ATP2B1: variants seen among roughly 807,000 people sequenced by gnomAD.
ATP2B1 encodes the protein plasma membrane calcium-transporting ATPase 1.
Under a neutral mutation model 124.2 loss-of-function variants are expected in ATP2B1, and 14 were observed. The ratio of observed to expected loss-of-function variants is 0.11; its 90% CI spans 0.07 to 0.18. The LOEUF (loss-of-function observed/expected upper bound fraction) is 0.18. ATP2B1 is among the 10% of genes least tolerant of loss of function. ATP2B1 has a pLI of 1.00. For missense variants in ATP2B1, 763 were observed against 1,466.1 expected (o/e 0.52, Z 7.83); for synonymous variants, 449 against 492.4 (o/e 0.91, Z 1.17).
At chr12:89,695,945 C>A (rs1022124465) in intron 1 of ATP2B1, among the ~76,000 whole-genome samples, 3 of 152,146 alleles carry the variant, frequency 2.0e-5, no homozygotes, top group Non-Finnish European at 4.4e-5. Flanking sequence ...CCCAAGCACA[C>A]TACAGTTTCT....
rs997873226 is a variant in ATP2B1 at position 89,621,638 on chromosome 12, C to G, written c.1498G>C (p.Val500Leu). ...AYINEKHYKKVPEPEAIPPNI... is the reference protein window; with the variant it reads ...AYINEKHYKKLPEPEAIPPNI... ...GGTGGAATAGCTTCTGGTTCAGGAACCTTTTTATAATGTTTTTCATTTATG... is the reference window on the plus strand; with the variant it reads ...GGTGGAATAGCTTCTGGTTCAGGAAGCTTTTTATAATGTTTTTCATTTATG... The change falls in exon 10 of 21, where the codon GTT (valine) becomes CTT (leucine). Residue 500 changes from valine (V) to leucine (L), a missense_variant. By Grantham distance (32) the Val-to-Leu change is conservative. Transcript: ENST00000428670. 3 of 1,611,584 alleles carry G rather than the reference C, an allele frequency of 1.9e-6. No individual in the cohort carries two copies. Among genetic ancestry groups the G allele is most frequent in the East Asian group, 2.2e-5 (1 of 44,696 alleles).
At chr12:89,686,174 T>C (rs1437244747) in intron 1 of ATP2B1, among the ~76,000 whole-genome samples, 1 of 152,134 alleles carries the variant, frequency 6.6e-6, no homozygotes, top group African/African-American at 2.4e-5. Context: ...TCCTTCAGCA[T>C]GTGTTCTTCA....
intron 2 of ATP2B1, among the ~76,000 whole-genome samples, chr12:89,648,392 T>C (rs908016424): frequency 6.6e-6 from 1 of 152,204 alleles, no homozygotes; most frequent in East Asian, 1.9e-4. Flanking sequence ...AGCAAAGAAC[T>C]TGGCTGTATT....
chr12:89,639,294 A>G (rs1883152003), intron 3 of ATP2B1, among the ~76,000 whole-genome samples: 2 of 152,146 alleles, frequency 1.3e-5, no homozygotes, highest in Non-Finnish European at 2.9e-5. Context: ...ACCTGAGGTC[A>G]GGGGTTTGAG....
Position 89,619,985 on chromosome 12 carries a change from C to A in ATP2B1, c.1829+14G>T, listed in dbSNP as rs1198466004. On this transcript the variant is annotated intron_variant, in intron 11 of 20. Coordinates refer to ENST00000428670, the MANE Select transcript of ATP2B1 (RefSeq NM_001366521.1). ...ATAGTCAGCAATTTATTCATCCAAGCATTTTACTCTTACTTTTTCAGAATT... is the reference window on the plus strand; with the variant it reads ...ATAGTCAGCAATTTATTCATCCAAGAATTTTACTCTTACTTTTTCAGAATT... The A allele has an allele frequency of 1.2e-5, 20 of 1,611,914 alleles. No homozygotes were observed. The highest frequency in any genetic ancestry group is 1.5e-5 in the Non-Finnish European group (18 of 1,178,620).
intron 2 of ATP2B1, among the ~76,000 whole-genome samples, chr12:89,652,225 T>C (rs1334203438): frequency 6.6e-6 from 1 of 152,220 alleles, no homozygotes; most frequent in Non-Finnish European, 1.5e-5. Flanking sequence ...CAGATACTAA[T>C]AAATACTACA....
chr12:89,659,304 A>C (rs534464852), intron 1 of ATP2B1, among the ~76,000 whole-genome samples: 1 of 152,220 alleles, frequency 6.6e-6, no homozygotes, highest in South Asian at 2.1e-4. Context: ...TTTATCCCAG[A>C]ATAAATGTTG....
At chr12:89,704,605 T>C (rs1163600363) in intron 1 of ATP2B1, among the ~76,000 whole-genome samples, 1 of 151,890 alleles carries the variant, frequency 6.6e-6, no homozygotes, top group Non-Finnish European at 1.5e-5. Flanking sequence ...TCACTTTGCC[T>C]ACCAGAAAAA....
intron 1 of ATP2B1, among the ~76,000 whole-genome samples, chr12:89,683,451 C>T (rs1033761760): frequency 6.6e-6 from 1 of 152,154 alleles, no homozygotes. Context: ...CTCCCAATTC[C>T]GTAAAGAAGC....
chr12:89,629,325 C>T (rs1881464334), intron 6 of ATP2B1, among the ~76,000 whole-genome samples: 1 of 152,126 alleles, frequency 6.6e-6, no homozygotes, highest in African/African-American at 2.4e-5. Flanking sequence ...AATAATAAGT[C>T]TTTACTTTGT....
chr12:89,616,709 C>A, intron 12 of ATP2B1, 93 bp downstream of exon 12: 4 of 1,247,500 alleles, frequency 3.2e-6, no homozygotes, highest in South Asian at 1.5e-5. Context: ...TCACAAACAC[C>A]AAGAATTTTA....
At chr12:89,696,527 C>T (rs1183810953) in intron 1 of ATP2B1, among the ~76,000 whole-genome samples, 1 of 152,012 alleles carries the variant, frequency 6.6e-6, no homozygotes, top group Non-Finnish European at 1.5e-5. Flanking sequence ...CTAAAAAGCA[C>T]ATAATTATAC....
chr12:89,618,483 C>G (rs1398008109), intron 11 of ATP2B1, among the ~76,000 whole-genome samples: 2 of 152,196 alleles, frequency 1.3e-5, no homozygotes, highest in African/African-American at 4.8e-5. Flanking sequence ...AAAAAATTCT[C>G]TCCTAAACCA....
intron 1 of ATP2B1, among the ~76,000 whole-genome samples, chr12:89,701,387 G>A (rs1472226289): frequency 6.6e-6 from 1 of 152,156 alleles, no homozygotes; most frequent in Non-Finnish European, 1.5e-5. Flanking sequence ...AAAGAACTGA[G>A]ATAAGATATA....
intron 1 of ATP2B1, among the ~76,000 whole-genome samples, chr12:89,668,710 G>C (rs1412539827): frequency 6.6e-6 from 1 of 152,142 alleles, no homozygotes. Flanking sequence ...GTTTTCAACA[G>C]ATCATACATG....
chr12:89,667,751 TG>T lies in ATP2B1; in HGVS notation c.-221-11645del, dbSNP rs200831743. Among the ~76,000 whole-genome samples, 925 of 152,192 alleles carry T rather than the reference TG, an allele frequency of 6.1e-3. 15 individuals are homozygous for T. Among genetic ancestry groups the T allele is most frequent in the African/African-American group, 0.022 (904 of 41,520 alleles). ...AGAAATCACAGATGATACAAACAAATGGAAAAACATTCCATGCTCATGGATT... is the reference window on the plus strand; with the variant it reads ...AGAAATCACAGATGATACAAACAAATGAAAAACATTCCATGCTCATGGATT... On this transcript the variant is annotated intron_variant, in intron 1 of 20. Transcript: ENST00000428670.
intron 9 of ATP2B1, among the ~76,000 whole-genome samples, chr12:89,622,644 CG>C (rs1314812503): frequency 2.6e-5 from 4 of 151,930 alleles, no homozygotes; most frequent in Non-Finnish European, 5.9e-5. Flanking sequence ...ATGTGAAAAA[CG>C]GATGTGTATT....
rs764946874 is a variant in ATP2B1, at chr12:89,591,243, G to A, written c.3404C>T (p.Pro1135Leu). 5 of 1,612,440 alleles carry A rather than the reference G, an allele frequency of 3.1e-6. No homozygotes were observed. Among genetic ancestry groups the A allele is most frequent in the Admixed American group, 1.7e-5 (1 of 59,862 alleles). Residue 1135 changes from proline to leucine, a missense_variant, in exon 21 of 21, where the codon CCG becomes CTG. Coordinates refer to ENST00000428670, the MANE Select transcript of ATP2B1 (RefSeq NM_001366521.1). ...RSSLYEGLEK[P>L]ESRSSIHNFM... ...GTTGTGAATCGAACTTCTTGATTCC[G>A]GTTTTTCTAACCCTTCATATAAAGA...
At chr12:89,669,152 T>G (rs985930148) in intron 1 of ATP2B1, among the ~76,000 whole-genome samples, 4 of 152,166 alleles carry the variant, frequency 2.6e-5, no homozygotes, top group Admixed American at 6.5e-5. Context: ...GTGTACATTT[T>G]CAGCTTACAG....
Sources: allele counts gnomAD v4.1 joint callset (sites outside exome capture counted in the v4.1 genomes callset), GRCh38; gene constraint gnomAD v4.1.1; transcripts MANE v1.5; gene names NCBI Gene and HGNC (gene_info 2026-07-23, HGNC 2026-07-21).